CERS3: variants seen among roughly 807,000 people sequenced by gnomAD.
The protein encoded by CERS3 is ceramide synthase 3.
CERS3 carries 33 observed loss-of-function variants against 50.3 expected under a neutral mutation model. The observed-to-expected ratio is 0.66, with a 90% CI of 0.50 to 0.88. CERS3 has a LOEUF of 0.88. Among genes scored for constraint, CERS3 ranks in the 40% least tolerant of loss-of-function variants. CERS3 has a pLI of 0.00. For synonymous variants in CERS3, 176 were observed against 155.2 expected (o/e 1.13, Z -0.99); for missense variants, 470 against 460.3 (o/e 1.02, Z -0.19).
At chr15:100,540,353 G>A (rs2142437387) in intron 1 of CERS3, among the ~76,000 whole-genome samples, 1 of 152,292 alleles carries the variant, frequency 6.6e-6, no homozygotes, top group Non-Finnish European at 1.5e-5. Context: ...GACCAGCCTG[G>A]CCAACATGGC....
chr15:100,500,082 C>T (rs1277004658), intron 3 of CERS3, among the ~76,000 whole-genome samples: 5 of 152,130 alleles, frequency 3.3e-5, no homozygotes, highest in Non-Finnish European at 7.3e-5. Flanking sequence ...TTCAATCTCC[C>T]ACTAATGATA....
At chr15:100,455,252 GA>G (rs140205540) in intron 11 of CERS3, among the ~76,000 whole-genome samples, 96 of 144,106 alleles carry the variant, frequency 6.7e-4, no homozygotes, top group Non-Finnish European at 9.0e-4. Flanking sequence ...TTATCCCAAG[GA>G]AAAAAAAAAA....
At chr15:100,527,587 A>G (rs1323460869) in intron 1 of CERS3, among the ~76,000 whole-genome samples, 1 of 152,238 alleles carries the variant, frequency 6.6e-6, no homozygotes, top group Non-Finnish European at 1.5e-5. Flanking sequence ...GAAATCATAT[A>G]TCTTAGTGTG....
At chr15:100,437,988 C>A (rs934969835) in intron 11 of CERS3, 4 of 149,654 alleles carry the variant, frequency 2.7e-5, no homozygotes, top group African/African-American at 9.8e-5. Flanking sequence ...ATTTATGCTG[C>A]ATTTTAATCT....
intron 11 of CERS3, among the ~76,000 whole-genome samples, chr15:100,418,725 C>T (rs2032165184): frequency 7.3e-6 from 1 of 136,160 alleles, no homozygotes; most frequent in African/African-American, 2.7e-5. Flanking sequence ...AGACTAACAG[C>T]AGATCTCTCG....
chr15:100,410,125 T>C (rs1596604921), intron 11 of CERS3, among the ~76,000 whole-genome samples: 1 of 152,248 alleles, frequency 6.6e-6, no homozygotes, highest in Non-Finnish European at 1.5e-5. Flanking sequence ...AGCAATATTA[T>C]TCACTCCACG....
intron 3 of CERS3, among the ~76,000 whole-genome samples, chr15:100,493,420 G>A (rs550375414): frequency 5.3e-5 from 8 of 152,278 alleles, no homozygotes; most frequent in Admixed American, 5.2e-4. Flanking sequence ...TAATCATAAT[G>A]AGAATTCCTT....
At chr15:100,505,777 G>A (rs2036158256) in intron 2 of CERS3, among the ~76,000 whole-genome samples, 1 of 152,244 alleles carries the variant, frequency 6.6e-6, no homozygotes, top group Admixed American at 6.5e-5. Context: ...GGATGCTGGG[G>A]TGGGCGGATC....
chr15:100,479,357 C>G (rs950796248), intron 7 of CERS3, 71 bp downstream of exon 7: 1 of 1,176,768 alleles, frequency 8.5e-7, no homozygotes, highest in Admixed American at 2.2e-5. Context: ...GGGACCAAGA[C>G]GTAACTAAGG....
intron 1 of CERS3, among the ~76,000 whole-genome samples, chr15:100,537,288 T>C (rs920606783): frequency 2.6e-5 from 4 of 152,256 alleles, no homozygotes; most frequent in African/African-American, 9.6e-5. Context: ...ACTGTCTGCC[T>C]TCTCATTAAC....
intron 11 of CERS3, among the ~76,000 whole-genome samples, chr15:100,443,374 T>C (rs1300126848): frequency 6.7e-6 from 1 of 149,752 alleles, no homozygotes; most frequent in Non-Finnish European, 1.5e-5. Context: ...CTCCTTACAA[T>C]TCCCCCATTT....
rs1567648942 is a variant in CERS3 at position 100,479,451 on chromosome 15, C to A, written c.493G>T (p.Val165Phe). The change falls in exon 7 of 12, where the codon GTT (valine) becomes TTT (phenylalanine). Residue 165 changes from valine to phenylalanine, a missense_variant. Physicochemically the swap from Val to Phe is conservative, Grantham distance 50. Coordinates refer to ENST00000679737, the MANE Select transcript of CERS3 (RefSeq NM_001378789.1). ...DKPWLYDLWE[V>F]WNGYPKQPLL... ...ACCTGTTTGGGATAGCCATTCCAAA[C>A]CTCCCATAAGTCATATAGCCAAGGT... 6.2e-7 allele frequency: 1 copy of A among 1,604,768 alleles called. No individual in the cohort carries two copies. The highest frequency in any genetic ancestry group is 8.5e-7 in the Non-Finnish European group (1 of 1,176,778).
intron 6 of CERS3, 69 bp from the exon 7 acceptor site, chr15:100,479,547 G>T: frequency 8.2e-7 from 1 of 1,213,822 alleles, no homozygotes; most frequent in South Asian, 1.3e-5. Context: ...GGTCAATTTT[G>T]GCAGAAAACC....
At chr15:100,532,681 C>T (rs185060003), upstream of CERS3, among the ~76,000 whole-genome samples, 71 of 152,178 alleles carry the variant, frequency 4.7e-4, 2 homozygotes, top group East Asian at 9.7e-3. Flanking sequence ...ATCACCTGAG[C>T]CTGGGAAGTC....
At chr15:100,506,504 T>C (rs935058297) in intron 2 of CERS3, among the ~76,000 whole-genome samples, 3 of 146,716 alleles carry the variant, frequency 2.0e-5, no homozygotes, top group Admixed American at 6.8e-5. Context: ...ACATTGTTGA[T>C]GGGAATGTGA....
intron 11 of CERS3, among the ~76,000 whole-genome samples, chr15:100,428,215 T>C (rs1377575693): frequency 6.6e-6 from 1 of 152,246 alleles, no homozygotes; most frequent in Non-Finnish European, 1.5e-5. Context: ...AAAACCATTA[T>C]CATTTGAATA....
chr15:100,469,305 C>T (rs2034884984), intron 10 of CERS3, 73 bp downstream of exon 10: 1 of 1,114,870 alleles, frequency 9.0e-7, no homozygotes, highest in Non-Finnish European at 1.4e-6. Flanking sequence ...AGGGCAATGC[C>T]CTGAGGGTAA....
intron 4 of CERS3, among the ~76,000 whole-genome samples, chr15:100,488,156 T>C (rs1434531433): frequency 6.6e-6 from 1 of 152,216 alleles, no homozygotes; most frequent in Non-Finnish European, 1.5e-5. Flanking sequence ...AAACTCTCAC[T>C]GAGGCTCATG....
chr15:100,531,200 T>C (rs1396924912), upstream of CERS3, among the ~76,000 whole-genome samples: 1 of 152,250 alleles, frequency 6.6e-6, no homozygotes, highest in African/African-American at 2.4e-5. Context: ...AAATATAATG[T>C]TCAAATCAAA....
Sources: gnomAD v4.1 joint callset for allele counts (sites outside exome capture counted in the v4.1 genomes callset) on GRCh38, gnomAD v4.1.1 for gene constraint, MANE v1.5 for transcripts, NCBI Gene and HGNC (gene_info 2026-07-23, HGNC 2026-07-21) for gene names.